Variants in NRG1 observed in about 807,000 individuals in gnomAD.
NRG1 encodes the protein neuregulin 1, also known as pro-neuregulin-1, membrane-bound isoform.
A neutral mutation model predicts 63.8 loss-of-function variants in NRG1; 18 were observed. That is an observed-to-expected ratio of 0.28 (90% confidence interval 0.19 to 0.42). NRG1 has a LOEUF of 0.42. NRG1 is among the 10% of genes least tolerant of loss of function. The pLI is 1.00. For missense variants in NRG1, 762 were observed against 814.7 expected (o/e 0.94, Z 0.79); for synonymous variants, 302 against 301.3 (o/e 1.00, Z -0.02).
At chr8:32,519,171 T>C (rs1327802044) in intron 1 of NRG1, among the ~76,000 whole-genome samples, 1 of 152,144 alleles carries the variant, frequency 6.6e-6, no homozygotes, top group East Asian at 1.9e-4. Context: ...TTAATTAAAG[T>C]TAATTTAGTT....
rs186162578 is a variant in NRG1, at chr8:32,567,935, A to G, written c.100+19109A>G. 2.2e-4 allele frequency among the ~76,000 whole-genome samples: 34 copies of G among 152,300 alleles called. No homozygotes were observed. The East Asian group carries it at 4.8e-3, about 22-fold the overall frequency. ...TGATAATTATGAAGGGAGAAGGGGG[A>G]AGAACAGCTGCAGAATGCAGGGAAG... On this transcript the variant is annotated intron_variant, in intron 1 of 11. Transcript: ENST00000356819.
rs551014751 is a variant in NRG1 at position 31,711,982 on chromosome 8, T to C, written c.37+72551T>C. ...TCACCTTGGAAGTTAGGGTTTAACA[T>C]AGGAATTTTAGAGGGACATAAATAG... On this transcript the variant is annotated intron_variant, in intron 1 of 10. Coordinates refer to the NRG1 transcript ENST00000519301. Among the ~76,000 whole-genome samples, 24 of 152,266 alleles carry C rather than the reference T, an allele frequency of 1.6e-4. 1 individual carries two copies. The South Asian group carries it at 4.8e-3, about 30-fold the overall frequency.
At chr8:32,633,828 G>A (rs535134388) in intron 5 of NRG1, among the ~76,000 whole-genome samples, 35 of 152,076 alleles carry the variant, frequency 2.3e-4, no homozygotes, top group African/African-American at 7.7e-4. Flanking sequence ...CTGAAGGAAC[G>A]AATGAAGTTG....
chr8:31,860,082 T>C (rs1040433311), intron 1 of NRG1, among the ~76,000 whole-genome samples: 2 of 152,194 alleles, frequency 1.3e-5, no homozygotes, highest in African/African-American at 4.8e-5. Context: ...AGGCAGTAGA[T>C]CCAAATGTAT....
chr8:32,136,048 C>G (rs1205380370), intron 1 of NRG1, among the ~76,000 whole-genome samples: 2 of 151,656 alleles, frequency 1.3e-5, no homozygotes, highest in Non-Finnish European at 2.9e-5. Flanking sequence ...GTAGGGAGAT[C>G]ATTCTCTAGG....
chr8:31,880,184 G>A (rs1356441371), intron 1 of NRG1, among the ~76,000 whole-genome samples: 2 of 152,142 alleles, frequency 1.3e-5, no homozygotes, highest in African/African-American at 2.4e-5. Context: ...ATTACTGAGA[G>A]CATTTAAGAG....
Position 32,115,931 on chromosome 8 carries a change from CA to C in NRG1, c.37+476502del, listed in dbSNP as rs574351995. The stretch of plus-strand genomic sequence containing the variant: ...TTTGCATTCTAATTTTATCATTAAC[CA>C]ATCTGACTGATGGGGCAAATCAACC... On this transcript the variant is annotated intron_variant, in intron 1 of 10. Coordinates refer to the NRG1 transcript ENST00000519301. 1.4e-3 allele frequency among the ~76,000 whole-genome samples: 211 copies of C among 152,244 alleles called. 1 individual carries two copies. The highest frequency in any genetic ancestry group is 0.01 in the Middle Eastern group (3 of 294).
chr8:31,850,275 T>C (rs1827086985), intron 1 of NRG1, among the ~76,000 whole-genome samples: 1 of 152,216 alleles, frequency 6.6e-6, no homozygotes, highest in Non-Finnish European at 1.5e-5. Flanking sequence ...ATAATCTGAC[T>C]GGATTTTGCC....
chr8:31,853,279 T>A (rs1386803096), intron 1 of NRG1, among the ~76,000 whole-genome samples: 1 of 151,790 alleles, frequency 6.6e-6, no homozygotes, highest in Non-Finnish European at 1.5e-5. Flanking sequence ...TATCCTCTTT[T>A]ATTTCCTTGA....
intron 1 of NRG1, among the ~76,000 whole-genome samples, chr8:32,521,645 C>T (rs1830356190): frequency 6.6e-6 from 1 of 152,036 alleles, no homozygotes; most frequent in Admixed American, 6.5e-5. Flanking sequence ...AGTTAATGAC[C>T]TCAAGCAAAG....
chr8:32,210,558 C>CT (rs1347913255), intron 1 of NRG1, among the ~76,000 whole-genome samples: 3 of 152,180 alleles, frequency 2.0e-5, no homozygotes, highest in African/African-American at 7.2e-5. Flanking sequence ...ATCTCAGAAT[C>CT]TAAGATTGTC....
At chr8:32,644,035 G>A (rs561021263) in intron 5 of NRG1, among the ~76,000 whole-genome samples, 3 of 152,166 alleles carry the variant, frequency 2.0e-5, no homozygotes, top group African/African-American at 7.2e-5. Flanking sequence ...ATAGCTATGT[G>A]TCCATGGCAA....
intron 1 of NRG1, among the ~76,000 whole-genome samples, chr8:31,935,074 C>G (rs1417482087): frequency 6.6e-6 from 1 of 152,106 alleles, no homozygotes; most frequent in Non-Finnish European, 1.5e-5. Flanking sequence ...CCTCGGCCTC[C>G]TGAGTAGCCA....
At chr8:32,598,789 G>A (rs944932420) in intron 2 of NRG1, among the ~76,000 whole-genome samples, 4 of 152,042 alleles carry the variant, frequency 2.6e-5, no homozygotes, top group African/African-American at 9.7e-5. Context: ...CTAAAATTGT[G>A]TCTTTTTATA....
intron 5 of NRG1, among the ~76,000 whole-genome samples, chr8:32,621,988 GTAAATGAC>G (rs1479440181): frequency 3.9e-5 from 6 of 152,236 alleles, no homozygotes; most frequent in Non-Finnish European, 7.3e-5. Context: ...GTGGATTCAA[GTAAATGAC>G]TTGTCTGGGG....
chr8:32,229,206 C>T (rs1846647601), intron 1 of NRG1, among the ~76,000 whole-genome samples: 1 of 152,126 alleles, frequency 6.6e-6, no homozygotes. Context: ...TGTTGTGTGC[C>T]AAGGCCTAAA....
At chr8:31,932,304 T>C (rs1004279560) in intron 1 of NRG1, among the ~76,000 whole-genome samples, 7 of 152,202 alleles carry the variant, frequency 4.6e-5, no homozygotes, top group African/African-American at 1.7e-4. Flanking sequence ...AAATTTTCCG[T>C]ATAGGAATAC....
At chr8:31,956,809 T>C (rs1358300756) in intron 1 of NRG1, among the ~76,000 whole-genome samples, 4 of 152,238 alleles carry the variant, frequency 2.6e-5, no homozygotes. Flanking sequence ...GTGTGCCATC[T>C]GGCTCATGAC....
At chr8:31,882,415 T>A (rs192900019) in intron 1 of NRG1, among the ~76,000 whole-genome samples, 12 of 151,812 alleles carry the variant, frequency 7.9e-5, no homozygotes, top group Non-Finnish European at 1.3e-4. Context: ...AGAGCTCTGA[T>A]GGAGATGTAC....
Sources: allele counts gnomAD v4.1 joint callset (sites outside exome capture counted in the v4.1 genomes callset), GRCh38; gene constraint gnomAD v4.1.1; transcripts MANE v1.5; gene names NCBI Gene and HGNC (gene_info 2026-07-23, HGNC 2026-07-21).